Variants in ABTB3 observed in about 807,000 individuals in gnomAD.
ABTB3 encodes the protein ankyrin repeat- and BTB/POZ domain-containing protein 3.
the ABTB3 span, among the ~76,000 whole-genome samples, chr12:107,561,300 A>G: frequency 0.15 from 22,706 of 152,060 alleles, 1,943 homozygotes; most frequent in East Asian, 0.25. Context: ...CTTGTTGAAA[A>G]CACTGAGCAT....
chr12:107,320,090 G>A, the ABTB3 span: 40 of 1,432,750 alleles, frequency 2.8e-5, no homozygotes, highest in Non-Finnish European at 3.1e-5. Context: ...GTGTCTGCGC[G>A]GGTGCCACTC....
chr12:107,388,465 T>C, the ABTB3 span, among the ~76,000 whole-genome samples: 1 of 151,576 alleles, frequency 6.6e-6, no homozygotes, highest in Non-Finnish European at 1.5e-5. Flanking sequence ...TCTCCTCCTC[T>C]TCCCCCTCCT....
At chr12:107,341,342 C>A in the ABTB3 span, among the ~76,000 whole-genome samples, 1 of 152,198 alleles carries the variant, frequency 6.6e-6, no homozygotes, top group South Asian at 2.1e-4. Flanking sequence ...GACTCCCTGG[C>A]AGGGGAGTCT....
chr12:107,592,672 C>T, the ABTB3 span, among the ~76,000 whole-genome samples: 7 of 152,312 alleles, frequency 4.6e-5, no homozygotes, highest in South Asian at 1.5e-3. Context: ...AGTTCACCCA[C>T]ATGTAAAACA....
chr12:107,528,148 G>A, the ABTB3 span, among the ~76,000 whole-genome samples: 2 of 152,162 alleles, frequency 1.3e-5, no homozygotes, highest in African/African-American at 4.8e-5. Context: ...GTCCTAGGGT[G>A]GTCACACTTG....
chr12:107,603,678 C>G, the ABTB3 span, among the ~76,000 whole-genome samples: 435 of 152,094 alleles, frequency 2.9e-3, 11 homozygotes, highest in East Asian at 0.045. Flanking sequence ...AAAGTATAGG[C>G]AACAAAAGCA....
the ABTB3 span, among the ~76,000 whole-genome samples, chr12:107,638,752 A>C: frequency 1.4e-4 from 22 of 152,306 alleles, no homozygotes; most frequent in African/African-American, 5.1e-4. Context: ...TTTATTCCTC[A>C]CTACTCTGTG....
chr12:107,583,653 C>A, the ABTB3 span, among the ~76,000 whole-genome samples: 1 of 152,218 alleles, frequency 6.6e-6, no homozygotes, highest in Non-Finnish European at 1.5e-5. Context: ...TGCGCCCCCC[C>A]TCCTCAGCAC....
chr12:107,346,706 G>A, the ABTB3 span, among the ~76,000 whole-genome samples: 4 of 152,106 alleles, frequency 2.6e-5, no homozygotes, highest in Admixed American at 1.3e-4. Context: ...TGATCTGCCC[G>A]CCTCAGCCTC....
the ABTB3 span, among the ~76,000 whole-genome samples, chr12:107,510,067 G>A: frequency 6.6e-6 from 1 of 152,206 alleles, no homozygotes; most frequent in Non-Finnish European, 1.5e-5. Context: ...GAGAAGCCAA[G>A]TCAAGAGCCC....
chr12:107,624,251 A>C, the ABTB3 span, among the ~76,000 whole-genome samples: 2 of 151,986 alleles, frequency 1.3e-5, no homozygotes, highest in Non-Finnish European at 2.9e-5. Flanking sequence ...CTCAAAACTT[A>C]AAATGTTTCT....
chr12:107,655,311 C>T, the ABTB3 span, among the ~76,000 whole-genome samples: 1 of 151,764 alleles, frequency 6.6e-6, no homozygotes, highest in East Asian at 1.9e-4. Context: ...AGGGCTTTGG[C>T]TTTTACAGAC....
the ABTB3 span, among the ~76,000 whole-genome samples, chr12:107,441,774 C>CAATAAAAAAAAA: frequency 1.2e-5 from 1 of 80,052 alleles, no homozygotes; most frequent in Admixed American, 1.4e-4. Context: ...CTTGTCTCTA[C>CAATAAAAAAAAA]AAAAAAAAAA....
chr12:107,483,712 G>A, the ABTB3 span, among the ~76,000 whole-genome samples: 5,038 of 152,110 alleles, frequency 0.033, 272 homozygotes, highest in African/African-American at 0.12. Context: ...TTTAGAGACA[G>A]TTCTCACTCT....
the ABTB3 span, among the ~76,000 whole-genome samples, chr12:107,390,485 T>C: frequency 6.6e-6 from 1 of 152,226 alleles, no homozygotes; most frequent in Non-Finnish European, 1.5e-5. Flanking sequence ...CCACTTTCAA[T>C]CAACTCTTAT....
chr12:107,607,516 G>C, the ABTB3 span, among the ~76,000 whole-genome samples: 2 of 152,150 alleles, frequency 1.3e-5, no homozygotes, highest in African/African-American at 4.8e-5. Flanking sequence ...TCCAGATTCT[G>C]ATCAACTCTG....
chr12:107,328,100 C>T, the ABTB3 span, among the ~76,000 whole-genome samples: 10 of 152,238 alleles, frequency 6.6e-5, no homozygotes, highest in African/African-American at 2.2e-4. Flanking sequence ...AGGGCAGCCA[C>T]CCACAGCCAC....
chr12:107,530,305 G>T, the ABTB3 span, among the ~76,000 whole-genome samples: 1 of 152,162 alleles, frequency 6.6e-6, no homozygotes, highest in Admixed American at 6.5e-5. Flanking sequence ...CTTGTTTTGA[G>T]CTTTTTAATG....
chr12:107,613,037 C>A, the ABTB3 span, among the ~76,000 whole-genome samples: 1 of 152,212 alleles, frequency 6.6e-6, no homozygotes, highest in Non-Finnish European at 1.5e-5. Flanking sequence ...GACCACCTGA[C>A]AGATTTTGTC....
Sources: gnomAD v4.1 joint callset for allele counts (sites outside exome capture counted in the v4.1 genomes callset) on GRCh38, gnomAD v4.1.1 for gene constraint, MANE v1.5 for transcripts, NCBI Gene and HGNC (gene_info 2026-07-23, HGNC 2026-07-21) for gene names.